The following PLA2G4C variants were observed in gnomAD, a reference collection of about 807,000 sequenced individuals.
PLA2G4C encodes cytosolic phospholipase A2 gamma.
In PLA2G4C, 64 loss-of-function variants were observed where a neutral mutation model predicts 73.8. That is an observed-to-expected ratio of 0.87 (90% CI 0.71 to 1.07). The LOEUF (loss-of-function observed/expected upper bound fraction) is 1.07, where lower values mean the gene tolerates loss of function less well. PLA2G4C is among the 50% of genes least tolerant of loss of function. The pLI, the probability that PLA2G4C is intolerant of heterozygous loss-of-function variation, is 0.00. For synonymous variants in PLA2G4C, 254 were observed against 252.1 expected (o/e 1.01, Z -0.07); for missense variants, 622 against 665.4 (o/e 0.93, Z 0.72).
chr19:48,082,877 G>A (rs1415218248), intron 10 of PLA2G4C, among the ~76,000 whole-genome samples: 3 of 141,352 alleles, frequency 2.1e-5, no homozygotes, highest in East Asian at 2.1e-4. Flanking sequence ...GCAGTGGCTC[G>A]ATCTTGGCTC....
At chr19:48,053,929 G>A (rs1967828062) in intron 15 of PLA2G4C, among the ~76,000 whole-genome samples, 1 of 152,176 alleles carries the variant, frequency 6.6e-6, no homozygotes, top group African/African-American at 2.4e-5. Flanking sequence ...GAGACTGGAT[G>A]AGGAATGTGG....
At chr19:48,076,810 C>T (rs888889619) in intron 11 of PLA2G4C, among the ~76,000 whole-genome samples, 3 of 152,030 alleles carry the variant, frequency 2.0e-5, no homozygotes, top group Non-Finnish European at 2.9e-5. Context: ...TGCCTAAGTC[C>T]CCACATGGAG....
At chr19:48,052,339 G>A (rs114339200) in intron 16 of PLA2G4C, 4,708 of 152,228 alleles carry the variant, frequency 0.031, 262 homozygotes, top group African/African-American at 0.11. Context: ...GTGATTGATG[G>A]GAGCGTACTT....
At chr19:48,062,294 TTCTC>T in intron 13 of PLA2G4C, 142 bp from the exon 14 acceptor site, 1 of 633,930 alleles carries the variant, frequency 1.6e-6, no homozygotes, top group Non-Finnish European at 2.6e-6. Context: ...AGGAGCTGAC[TTCTC>T]TCTCTTCCCA....
chr19:48,096,251 T>C (rs966000996), intron 6 of PLA2G4C, among the ~76,000 whole-genome samples: 17 of 151,576 alleles, frequency 1.1e-4, no homozygotes, highest in Non-Finnish European at 2.2e-4. Context: ...TCTGCTCTGG[T>C]GAGAAAACAG....
chr19:48,076,116 C>T (rs536894628), intron 11 of PLA2G4C, among the ~76,000 whole-genome samples: 15 of 152,318 alleles, frequency 9.8e-5, no homozygotes, highest in African/African-American at 3.4e-4. Context: ...CTATGTATGG[C>T]ACTTTGTTCT....
chr19:48,077,646 C>T, intron 11 of PLA2G4C, 125 bp downstream of exon 11: 2 of 682,084 alleles, frequency 2.9e-6, no homozygotes, highest in East Asian at 3.1e-5. Context: ...AGTCCATGCT[C>T]CTCTCCATTC....
chr19:48,074,527 A>G (rs2030003317), intron 12 of PLA2G4C: 2 of 517,992 alleles, frequency 3.9e-6, no homozygotes, highest in South Asian at 2.1e-5. Context: ...GCCAAATAGT[A>G]TTTCTGGATC....
chr19:48,064,069 CA>C (rs1968310781), intron 13 of PLA2G4C: 1 of 151,990 alleles, frequency 6.6e-6, no homozygotes, highest in South Asian at 2.1e-4. Context: ...AAAACAACAA[CA>C]ACAAAAAAAC....
At chr19:48,049,153 T>A (rs1159146936) in intron 16 of PLA2G4C, among the ~76,000 whole-genome samples, 3 of 152,246 alleles carry the variant, frequency 2.0e-5, no homozygotes, top group Admixed American at 2.0e-4. Flanking sequence ...CAAATAAACC[T>A]CTTTCCTTTA....
intron 1 of PLA2G4C, among the ~76,000 whole-genome samples, chr19:48,109,164 C>A (rs2032367658): frequency 6.9e-6 from 1 of 144,506 alleles, no homozygotes; most frequent in African/African-American, 2.5e-5. Flanking sequence ...AGTTTCAAGA[C>A]CCCCCTTATG....
intron 11 of PLA2G4C, among the ~76,000 whole-genome samples, chr19:48,075,943 C>G (rs1310664586): frequency 6.6e-6 from 1 of 152,196 alleles, no homozygotes; most frequent in Non-Finnish European, 1.5e-5. Context: ...ATGGTGAATG[C>G]TGATGTCAAA....
At chr19:48,053,887 G>T (rs112914778) in intron 15 of PLA2G4C, among the ~76,000 whole-genome samples, 1 of 152,310 alleles carries the variant, frequency 6.6e-6, no homozygotes, top group Non-Finnish European at 1.5e-5. Flanking sequence ...CACCCATCCT[G>T]GATGCTAGGC....
intron 7 of PLA2G4C, among the ~76,000 whole-genome samples, chr19:48,092,518 T>A (rs764791205): frequency 6.6e-6 from 1 of 152,230 alleles, no homozygotes; most frequent in African/African-American, 2.4e-5. Flanking sequence ...TGTCCATCGA[T>A]GGATGAATTG....
chr19:48,053,259 T>C, intron 15 of PLA2G4C, 112 bp from the exon 16 acceptor site: 1 of 654,662 alleles, frequency 1.5e-6, no homozygotes, highest in Non-Finnish European at 2.5e-6. Flanking sequence ...GTGGACCAAA[T>C]CCAGTCGGCC....
At chr19:48,069,838 C>T (rs890383306) in intron 12 of PLA2G4C, among the ~76,000 whole-genome samples, 1 of 152,080 alleles carries the variant, frequency 6.6e-6, no homozygotes, top group African/African-American at 2.4e-5. Context: ...AATCTCGGCT[C>T]ACTGCAACCT....
At chr19:48,050,353 T>C (rs1967678604) in intron 16 of PLA2G4C, among the ~76,000 whole-genome samples, 1 of 152,188 alleles carries the variant, frequency 6.6e-6, no homozygotes, top group African/African-American at 2.4e-5. Flanking sequence ...GAACATAGAC[T>C]GGTCCAGAGG....
rs1272078058 is a variant in PLA2G4C at position 48,078,856 on chromosome 19, A to AAAAATCCT, written c.845-1040_845-1033dup. 4.1e-5 allele frequency among the ~76,000 whole-genome samples: 6 copies of AAAAATCCT among 147,476 alleles called. No individual in the cohort carries two copies. The South Asian group carries it at 8.7e-4, about 21-fold the overall frequency. On this transcript the variant is annotated intron_variant, in intron 10 of 16. Coordinates refer to ENST00000599921, the MANE Select transcript of PLA2G4C (RefSeq NM_003706.3). ...AAATACTATCATTTTTCACAGAACA[A>AAAAATCCT]AAAATCCTAAAATCCTTTTTTTTTT... is the stretch of plus-strand genomic sequence containing the variant.
intron 5 of PLA2G4C, among the ~76,000 whole-genome samples, chr19:48,099,109 T>C (rs1459397888): frequency 6.9e-6 from 1 of 144,106 alleles, no homozygotes; most frequent in African/African-American, 2.6e-5. Flanking sequence ...AAAAAAAAAA[T>C]AATTAAAAAT....
Sources: gnomAD v4.1 joint callset for allele counts (sites outside exome capture counted in the v4.1 genomes callset) on GRCh38, gnomAD v4.1.1 for gene constraint, MANE v1.5 for transcripts, NCBI Gene and HGNC (gene_info 2026-07-23, HGNC 2026-07-21) for gene names.